AGL: variants seen among roughly 807,000 people sequenced by gnomAD.
AGL encodes the protein amylo-alpha-1,6-glucosidase and 4-alpha-glucanotransferase, also known as glycogen debranching enzyme.
Under a neutral mutation model 199.3 loss-of-function variants are expected in AGL, and 128 were observed. That is an observed-to-expected ratio of 0.64 (90% confidence interval 0.56 to 0.74). The LOEUF is 0.74. Among genes scored for constraint, AGL ranks in the 30% least tolerant of loss-of-function variants. The pLI, the probability that AGL is intolerant of heterozygous loss-of-function variation, is 0.00. For synonymous variants in AGL, 584 were observed against 594.7 expected, an observed-to-expected ratio of 0.98 and a Z score of 0.26; for missense variants, 1,809 against 1,820.8, an observed-to-expected ratio of 0.99 and a Z score of 0.12.
At chr1:99,895,537 G>A (rs957669448) in intron 24 of AGL, among the ~76,000 whole-genome samples, 10 of 151,962 alleles carry the variant, frequency 6.6e-5, no homozygotes, top group Non-Finnish European at 1.2e-4. Context: ...TACTTAATTA[G>A]GTATCATTAA....
intron 1 of AGL, chr1:99,850,617 T>C (rs1469343226): frequency 4.8e-6 from 1 of 208,546 alleles, no homozygotes; most frequent in African/African-American, 2.4e-5. Context: ...GACTAATCTC[T>C]TGTAAGCAGA....
chr1:99,919,695 T>C (rs1330622420), intron 33 of AGL, among the ~76,000 whole-genome samples: 1 of 152,194 alleles, frequency 6.6e-6, no homozygotes, highest in East Asian at 1.9e-4. Flanking sequence ...AATTCTATTT[T>C]TCTCCCTTTC....
rs541622941 is a variant in AGL, at chr1:99,914,921, T to A, written c.4162-468T>A. The stretch of plus-strand genomic sequence containing the variant: ...GTGAGACTTCATCTCCACAAAAATT[T>A]AAAAAAAAATTAGCCATTTGTGGTG... On this transcript the variant is annotated intron_variant, in intron 30 of 33. Transcript: ENST00000361915. Among the ~76,000 whole-genome samples, 29 of 151,438 alleles carry A rather than the reference T, an allele frequency of 1.9e-4. 1 individual carries two copies. Among genetic ancestry groups the A allele is most frequent in the South Asian group, 4.2e-4 (2 of 4,782 alleles).
intron 4 of AGL, among the ~76,000 whole-genome samples, chr1:99,862,838 C>T (rs145291546): frequency 2.0e-5 from 3 of 152,198 alleles, no homozygotes; most frequent in African/African-American, 4.8e-5. Context: ...GATTACAATT[C>T]GAATGAGATT....
Position 99,870,423 on chromosome 1 carries a change from G to A in AGL, c.688G>A (p.Glu230Lys), listed in dbSNP as rs1650891322. 6.2e-7 allele frequency: 1 copy of A among 1,613,866 alleles called. No individual in the cohort carries two copies. Among genetic ancestry groups the A allele is most frequent in the African/African-American group, 1.3e-5 (1 of 75,004 alleles). The part of the protein sequence containing the change: ...HTAANSKWIQ[E>K]HPECAYNLVN... Reference sequence around the variant, plus strand: ...AGCTGCTAATAGTAAATGGATCCAGGAACATCCAGAATGTGCCTATAATCT... The same window carrying A: ...AGCTGCTAATAGTAAATGGATCCAGAAACATCCAGAATGTGCCTATAATCT... The change falls in exon 6 of 34, where the codon GAA becomes AAA. Residue 230 changes from glutamate (E) to lysine (K), a missense_variant. Physicochemically the swap from Glu to Lys is moderately conservative, Grantham distance 56. Coordinates refer to ENST00000361915, the MANE Select transcript of AGL (RefSeq NM_000642.3).
At chr1:99,869,365 T>C (rs1200137918) in intron 5 of AGL, among the ~76,000 whole-genome samples, 1 of 151,928 alleles carries the variant, frequency 6.6e-6, no homozygotes, top group Non-Finnish European at 1.5e-5. Flanking sequence ...AATAAATGAC[T>C]TACTAAATAA....
chr1:99,851,740 T>G (rs1648967602), intron 2 of AGL, among the ~76,000 whole-genome samples: 1 of 152,238 alleles, frequency 6.6e-6, no homozygotes, highest in Admixed American at 6.5e-5. Context: ...AGTTAATAGA[T>G]GTTTTATTTT....
intron 25 of AGL, among the ~76,000 whole-genome samples, chr1:99,897,500 T>G (rs1653429241): frequency 6.6e-6 from 1 of 152,238 alleles, no homozygotes; most frequent in Non-Finnish European, 1.5e-5. Context: ...AAATTTTATT[T>G]TTGATACTTT....
At chr1:99,909,671 A>G (rs1654592828) in intron 27 of AGL, among the ~76,000 whole-genome samples, 1 of 151,864 alleles carries the variant, frequency 6.6e-6, no homozygotes, top group South Asian at 2.1e-4. Flanking sequence ...GAAAAAAAAA[A>G]CCAGGGAACT....
Position 99,873,230 on chromosome 1 carries a change from T to C in AGL, c.959-1457T>C, listed in dbSNP as rs908475328. On this transcript the variant is annotated intron_variant, in intron 7 of 33. Transcript: ENST00000361915. ...TTAACTTGATTTGTATTTTTAAAAT[T>C]ATATTGAGTTGAAAATCCATCCTTT... Among the ~76,000 whole-genome samples the C allele has an allele frequency of 5.3e-5, 8 of 152,280 alleles. No homozygotes were observed. In the South Asian group the frequency reaches 1.0e-3, roughly 20 times the overall value.
chr1:99,862,704 G>A (rs1435760791), intron 4 of AGL, among the ~76,000 whole-genome samples: 1 of 152,078 alleles, frequency 6.6e-6, no homozygotes, highest in African/African-American at 2.4e-5. Context: ...AGAACAAAGT[G>A]GGAGGTGCTA....
intron 30 of AGL, among the ~76,000 whole-genome samples, chr1:99,914,945 T>A (rs1452439197): frequency 6.6e-6 from 1 of 152,100 alleles, no homozygotes; most frequent in Non-Finnish European, 1.5e-5. Flanking sequence ...CCATTTGTGG[T>A]GGTACACACC....
Position 99,880,653 on chromosome 1 carries a change from G to A in AGL, c.1757G>A (p.Ser586Asn). The A allele has an allele frequency of 6.2e-7, 1 of 1,613,988 alleles. No individual in the cohort carries two copies. Reference protein sequence around the residue: ...LIREAMSAYNSHEEGRLVYRY... With the variant: ...LIREAMSAYNNHEEGRLVYRY... ...GCAGAGGCAATGAGTGCATATAATA[G>A]TCATGAAGAGGGCAGATTAGTTTAC... Residue 586 changes from serine (S) to asparagine (N), a missense_variant, in exon 14 of 34, where the codon AGT becomes AAT. Coordinates refer to ENST00000361915, the MANE Select transcript of AGL (RefSeq NM_000642.3).
chr1:99,877,816 T>C lies in AGL; in HGVS notation c.1599T>C (p.Leu533=). 6.2e-7 allele frequency: 1 copy of C among 1,613,960 alleles called. No homozygotes were observed. The highest frequency in any genetic ancestry group is 2.2e-5 in the East Asian group (1 of 44,846). Residue 533 remains leucine, a synonymous_variant, in exon 12 of 34, where the codon CTT becomes CTC. Transcript: ENST00000361915. ...VRLDNCHSTP[L]HVAEYMLDAA... is the part of the protein sequence containing the mutation. Reference sequence around the variant, plus strand: ...TTGATAACTGCCACTCAACACCTCTTCACGTAGCTGAGGTACAGAAAAACA... The same window carrying C: ...TTGATAACTGCCACTCAACACCTCTCCACGTAGCTGAGGTACAGAAAAACA...
intron 25 of AGL, among the ~76,000 whole-genome samples, chr1:99,897,568 A>G (rs920454383): frequency 6.6e-6 from 1 of 152,254 alleles, no homozygotes; most frequent in Non-Finnish European, 1.5e-5. Context: ...TTAATCCGAT[A>G]TATAGTAAGA....
chr1:99,915,789 C>T (rs982446288), intron 31 of AGL, among the ~76,000 whole-genome samples: 48 of 151,630 alleles, frequency 3.2e-4, no homozygotes, highest in Non-Finnish European at 6.0e-4. Context: ...CACACACACA[C>T]GCACACACAC....
At chr1:99,903,451 C>T (rs1348303863) in intron 27 of AGL, among the ~76,000 whole-genome samples, 2 of 152,164 alleles carry the variant, frequency 1.3e-5, no homozygotes, top group African/African-American at 4.8e-5. Flanking sequence ...CATGTCCCTA[C>T]AAAGGACATG....
In AGL at chr1:99,903,570, A is replaced by G. The variant is rs192256068; in HGVS notation, c.3700+776A>G. Among the ~76,000 whole-genome samples, 810 of 152,234 alleles carry G rather than the reference A, an allele frequency of 5.3e-3. 3 individuals carry two copies. The highest frequency in any genetic ancestry group is 0.019 in the African/African-American group (782 of 41,522). Reference sequence around the variant, plus strand: ...TTTGGGTTGGTTCCAAGTCTTTGCTATTGTGAATACTGCTGCAATGAACAT... The same window carrying G: ...TTTGGGTTGGTTCCAAGTCTTTGCTGTTGTGAATACTGCTGCAATGAACAT... On this transcript the variant is annotated intron_variant, in intron 27 of 33. Coordinates refer to ENST00000361915, the MANE Select transcript of AGL (RefSeq NM_000642.3).
chr1:99,870,069 C>T (rs1382111600), intron 5 of AGL, among the ~76,000 whole-genome samples: 4 of 152,104 alleles, frequency 2.6e-5, no homozygotes, highest in African/African-American at 7.2e-5. Context: ...TTCTCAACCT[C>T]GCTTTTATCC....
Sources: gnomAD v4.1 joint callset for allele counts (sites outside exome capture counted in the v4.1 genomes callset) on GRCh38, gnomAD v4.1.1 for gene constraint, MANE v1.5 for transcripts, NCBI Gene and HGNC (gene_info 2026-07-23, HGNC 2026-07-21) for gene names.